Variants in MMP16 observed in about 807,000 individuals in gnomAD.
MMP16 encodes the protein matrix metalloproteinase-16.
In MMP16, 12 loss-of-function variants were observed where a neutral mutation model predicts 67.8. That is an observed-to-expected ratio of 0.18 (90% CI 0.11 to 0.29). The LOEUF is 0.29. MMP16 is among the 10% of genes least tolerant of loss of function. The probability of loss-of-function intolerance (pLI) is 1.00; values close to 1 mark genes in which losing one functional copy is unlikely to be tolerated. For synonymous variants in MMP16, 249 were observed against 255.9 expected, an observed-to-expected ratio of 0.97 and a Z score of 0.26; for missense variants, 475 against 765.7, an observed-to-expected ratio of 0.62 and a Z score of 4.48.
At chr8:88,096,553 G>T (rs1410728571) in intron 6 of MMP16, among the ~76,000 whole-genome samples, 3 of 151,630 alleles carry the variant, frequency 2.0e-5, no homozygotes, top group Non-Finnish European at 4.4e-5. Flanking sequence ...ATAAACAAGA[G>T]AAATACAACT....
At position 88,241,782 on chromosome 8, in the gene MMP16, T is replaced by C. The variant is rs747943905; in HGVS notation, c.133-44476A>G. ...GTGTGATATTCTGATACATGTGTAA[T>C]GATCAAATCAGAGTAATTAGTGTAT... On this transcript the variant is annotated intron_variant, in intron 1 of 9. Coordinates refer to ENST00000286614, the MANE Select transcript of MMP16 (RefSeq NM_005941.5). Among the ~76,000 whole-genome samples, 4 of 152,196 alleles carry C rather than the reference T, an allele frequency of 2.6e-5. No individual in the cohort carries two copies. In the East Asian group the frequency reaches 7.7e-4, roughly 29 times the overall value.
intron 1 of MMP16, among the ~76,000 whole-genome samples, chr8:88,311,327 A>T (rs1811291085): frequency 6.6e-6 from 1 of 152,122 alleles, no homozygotes; most frequent in African/African-American, 2.4e-5. Context: ...GGAACCTCTG[A>T]GTGTCCTAAA....
At chr8:88,115,589 T>G (rs144602694) in intron 6 of MMP16, among the ~76,000 whole-genome samples, 1 of 152,194 alleles carries the variant, frequency 6.6e-6, no homozygotes, top group Non-Finnish European at 1.5e-5. Context: ...TAGCTTCTGG[T>G]GGACAGAAAA....
At chr8:88,206,388 T>C (rs1439808728) in intron 1 of MMP16, among the ~76,000 whole-genome samples, 3 of 152,206 alleles carry the variant, frequency 2.0e-5, no homozygotes, top group East Asian at 3.9e-4. Flanking sequence ...GGAGATTGCA[T>C]GTTCTCCCCA....
intron 3 of MMP16, among the ~76,000 whole-genome samples, chr8:88,181,429 TTAAA>T (rs1170053481): frequency 6.6e-6 from 1 of 151,818 alleles, no homozygotes; most frequent in African/African-American, 2.4e-5. Flanking sequence ...ATAATACCAT[TTAAA>T]TTAGCACCAG....
chr8:88,120,811 T>G (rs548468501), intron 4 of MMP16, among the ~76,000 whole-genome samples: 50 of 152,026 alleles, frequency 3.3e-4, no homozygotes, highest in African/African-American at 1.1e-3. Flanking sequence ...AGTCCCAATG[T>G]AGACTTACAG....
At chr8:88,281,363 G>T (rs750884361) in intron 1 of MMP16, among the ~76,000 whole-genome samples, 1 of 152,174 alleles carries the variant, frequency 6.6e-6, no homozygotes, top group Non-Finnish European at 1.5e-5. Flanking sequence ...CTCCCAAGGG[G>T]AAGAAAGCAT....
chr8:88,297,998 C>T (rs1309984290), intron 1 of MMP16, among the ~76,000 whole-genome samples: 2 of 152,070 alleles, frequency 1.3e-5, no homozygotes, highest in Non-Finnish European at 2.9e-5. Flanking sequence ...TACAAATAAA[C>T]TCAGTAAGCT....
chr8:88,275,567 G>A (rs1015062788), intron 1 of MMP16, among the ~76,000 whole-genome samples: 1 of 151,512 alleles, frequency 6.6e-6, no homozygotes, highest in Non-Finnish European at 1.5e-5. Flanking sequence ...AATATTCATA[G>A]TTACAGTAAC....
intron 6 of MMP16, among the ~76,000 whole-genome samples, chr8:88,077,510 T>A (rs1453819381): frequency 6.6e-6 from 1 of 152,190 alleles, no homozygotes; most frequent in East Asian, 1.9e-4. Context: ...AGTCATTTTA[T>A]ACAATACTTG....
At chr8:88,207,405 A>T (rs1461105146) in intron 1 of MMP16, among the ~76,000 whole-genome samples, 2 of 142,090 alleles carry the variant, frequency 1.4e-5, no homozygotes, top group Non-Finnish European at 3.0e-5. Context: ...TCTCTGTGAG[A>T]AGTTGTCTCT....
intron 2 of MMP16, among the ~76,000 whole-genome samples, chr8:88,189,538 T>G (rs146386549): frequency 6.6e-6 from 1 of 152,282 alleles, no homozygotes; most frequent in African/African-American, 2.4e-5. Flanking sequence ...TCATTTTCAC[T>G]ACTAACAATA....
At chr8:88,153,644 G>C (rs1465854984) in intron 4 of MMP16, among the ~76,000 whole-genome samples, 1 of 150,718 alleles carries the variant, frequency 6.6e-6, no homozygotes, top group Non-Finnish European at 1.5e-5. Flanking sequence ...AAATGGTGCT[G>C]GGAAAACTGG....
intron 4 of MMP16, among the ~76,000 whole-genome samples, chr8:88,160,316 G>T (rs549354717): frequency 9.2e-5 from 14 of 151,890 alleles, no homozygotes; most frequent in Admixed American, 8.5e-4. Context: ...ATTTTTTATG[G>T]CTGCATAGTA....
chr8:88,048,447 G>A (rs1808226315), intron 8 of MMP16, among the ~76,000 whole-genome samples: 1 of 152,062 alleles, frequency 6.6e-6, no homozygotes, highest in Non-Finnish European at 1.5e-5. Flanking sequence ...CACAAAGATT[G>A]ACAAAATAGG....
At position 88,264,990 on chromosome 8, in the gene MMP16, C is replaced by T. The variant is rs190079630; in HGVS notation, c.132+62085G>A. Among the ~76,000 whole-genome samples, 369 of 152,336 alleles carry T rather than the reference C, an allele frequency of 2.4e-3. 2 individuals are homozygous for T. In the Middle Eastern group the frequency reaches 0.031, roughly 13 times the overall value. On this transcript the variant is annotated intron_variant, in intron 1 of 9. Transcript: ENST00000286614. ...TGGCCTACCAATTCCCTGCCCCTAC[C>T]GATCCTCTCCCTGTGGTATGTCTAC...
At chr8:88,108,764 A>C (rs914285620) in intron 6 of MMP16, among the ~76,000 whole-genome samples, 1 of 151,438 alleles carries the variant, frequency 6.6e-6, no homozygotes, top group Admixed American at 6.6e-5. Context: ...TATGATTGGA[A>C]TAATTTTTGC....
chr8:88,257,388 C>A (rs2129939518), intron 1 of MMP16, among the ~76,000 whole-genome samples: 1 of 152,298 alleles, frequency 6.6e-6, no homozygotes, highest in Non-Finnish European at 1.5e-5. Context: ...AGAGGTCATA[C>A]CTATGCTGAT....
chr8:88,073,016 C>T (rs149766081), intron 7 of MMP16, among the ~76,000 whole-genome samples: 1 of 152,278 alleles, frequency 6.6e-6, no homozygotes, highest in Non-Finnish European at 1.5e-5. Flanking sequence ...GAATTTATGA[C>T]TGTGGCAGTT....
Sources: gnomAD v4.1 joint callset for allele counts (sites outside exome capture counted in the v4.1 genomes callset) on GRCh38, gnomAD v4.1.1 for gene constraint, MANE v1.5 for transcripts, NCBI Gene and HGNC (gene_info 2026-07-23, HGNC 2026-07-21) for gene names.